The following POP1 variants were observed in gnomAD, a reference collection of about 807,000 sequenced individuals.
POP1 encodes the protein POP1 ribonuclease P/MRP subunit.
In POP1, 75 loss-of-function variants were observed where a neutral mutation model predicts 102.2. The ratio of observed to expected loss-of-function variants is 0.73; its 90% CI spans 0.61 to 0.89. POP1 has a LOEUF of 0.89. POP1 is among the 40% of genes least tolerant of loss of function. POP1 has a pLI of 0.00. For missense variants in POP1, 1,116 were observed against 1,267.4 expected, an observed-to-expected ratio of 0.88 and a Z score of 1.81; for synonymous variants, 436 against 464.1, an observed-to-expected ratio of 0.94 and a Z score of 0.78.
At chr8:98,125,992 T>C (rs1046102626) in intron 2 of POP1, among the ~76,000 whole-genome samples, 9 of 151,946 alleles carry the variant, frequency 5.9e-5, no homozygotes, top group Non-Finnish European at 1.3e-4. Flanking sequence ...GCTACAAGCA[T>C]GTGCCATTAT....
Position 98,127,670 on chromosome 8 carries a change from A to G in POP1, c.218A>G (p.Glu73Gly), listed in dbSNP as rs1273417738. Residue 73 changes from glutamate to glycine, a missense_variant, in exon 3 of 16, where the codon GAG becomes GGG. Physicochemically the swap from Glu to Gly is moderately conservative, Grantham distance 98. Coordinates refer to ENST00000401707, the MANE Select transcript of POP1 (RefSeq NM_001145860.2). ...PHSLPDPEVN[E>G]QSSSKGMFRK... ...TCTCTGCCTGACCCTGAAGTGAATG[A>G]GCAGTCTTCCTCCAAAGGGATGTTT... is the stretch of plus-strand genomic sequence containing the variant. The G allele has an allele frequency of 7.4e-6, 12 of 1,614,162 alleles. No homozygotes were observed. The highest frequency in any genetic ancestry group is 3.3e-5 in the Admixed American group (2 of 60,022).
rs369569082 is a variant in POP1, at chr8:98,136,436, A to G, written c.1012-46A>G. 9.1e-6 allele frequency: 14 copies of G among 1,544,774 alleles called. No homozygotes were observed. The African/African-American group carries it at 1.8e-4, about 20-fold the overall frequency. On this transcript the variant is annotated intron_variant, in intron 7 of 15. Transcript: ENST00000401707. ...AACCCAACTAAATTTGTCGTAATAT[A>G]TTTAAATTTCAAGATTTTAAAGTGA...
At chr8:98,134,141 G>A (rs1359938038) in intron 6 of POP1, 105 bp downstream of exon 6, 1 of 872,686 alleles carries the variant, frequency 1.1e-6, no homozygotes, top group Non-Finnish European at 1.9e-6. Flanking sequence ...ATATAGAAAA[G>A]TGTGTGAGAC....
intron 5 of POP1, among the ~76,000 whole-genome samples, chr8:98,131,264 C>G (rs1472477885): frequency 6.6e-6 from 1 of 152,186 alleles, no homozygotes; most frequent in Non-Finnish European, 1.5e-5. Flanking sequence ...ACACTAACTC[C>G]CATTCCTTCA....
chr8:98,120,793 C>T (rs6984915), intron 1 of POP1, among the ~76,000 whole-genome samples: 45,682 of 151,954 alleles, frequency 0.3, 7,726 homozygotes, highest in South Asian at 0.4. Context: ...ACTACAGGCG[C>T]CCGCCAACAC....
At chr8:98,145,432 A>G (rs1816816355) in intron 11 of POP1, among the ~76,000 whole-genome samples, 1 of 152,214 alleles carries the variant, frequency 6.6e-6, no homozygotes, top group Non-Finnish European at 1.5e-5. Flanking sequence ...GTTCAACAAA[A>G]TAAGATTTGG....
rs571093018 is a variant in POP1 at position 98,157,752 on chromosome 8, C to T, written c.2556C>T (p.Phe852=). 1.9e-6 allele frequency: 3 copies of T among 1,614,216 alleles called. No homozygotes were observed. In the African/African-American group the frequency reaches 4.0e-5, roughly 22 times the overall value. The change falls in exon 16 of 16, where the codon TTC becomes TTT. Residue 852 remains phenylalanine, a synonymous_variant. Coordinates refer to ENST00000401707, the MANE Select transcript of POP1 (RefSeq NM_001145860.2). ...REACLSILGH[F]PRALVWVSLS... is the part of the protein sequence containing the mutation. ...CTTGCCTGTCCATCTTGGGCCACTT[C>T]CCCAGGGCCCTGGTTTGGGTCAGCC... is the stretch of plus-strand genomic sequence containing the variant.
chr8:98,124,388 T>C (rs1172041621), intron 2 of POP1, among the ~76,000 whole-genome samples: 1 of 151,930 alleles, frequency 6.6e-6, no homozygotes, highest in Non-Finnish European at 1.5e-5. Context: ...ATGGCGAAAC[T>C]CCGTCTCTAC....
rs754206205 is a variant in POP1, at chr8:98,157,989, G to A, written c.2793G>A (p.Pro931=). 7.4e-6 allele frequency: 12 copies of A among 1,612,836 alleles called. No individual in the cohort carries two copies. The highest frequency in any genetic ancestry group is 1.6e-4 in the Middle Eastern group (1 of 6,084). ...CAGGACGTGCCTCTTCTGATGGCCC[G>A]GCGGGGGAAGAGCCCGTGGCTGGGC... ...QKPGRASSDG[P]AGEEPVAGQE... The change falls in exon 16 of 16, where the codon CCG becomes CCA. Residue 931 remains proline (P), a synonymous_variant. Coordinates refer to ENST00000401707, the MANE Select transcript of POP1 (RefSeq NM_001145860.2).
At chr8:98,152,626 G>A (rs1310249520) in intron 14 of POP1, among the ~76,000 whole-genome samples, 1 of 152,160 alleles carries the variant, frequency 6.6e-6, no homozygotes, top group Non-Finnish European at 1.5e-5. Context: ...ATTTAAAAAC[G>A]TAGAAACCAT....
chr8:98,133,880 T>G, intron 5 of POP1, 69 bp from the exon 6 acceptor site: 1 of 1,164,462 alleles, frequency 8.6e-7, no homozygotes, highest in Non-Finnish European at 1.3e-6. Context: ...GTGATACGGC[T>G]TTTGGCTTCT....
intron 11 of POP1, among the ~76,000 whole-genome samples, chr8:98,143,892 G>A (rs966749621): frequency 2.6e-5 from 4 of 152,106 alleles, no homozygotes; most frequent in East Asian, 1.9e-4. Context: ...GGTGGCTCAC[G>A]CCTGTAATCC....
chr8:98,142,076 C>G (rs748674035), intron 11 of POP1, among the ~76,000 whole-genome samples: 1 of 152,124 alleles, frequency 6.6e-6, no homozygotes, highest in East Asian at 1.9e-4. Context: ...TCTGGTGCAA[C>G]GTAAAAGTTG....
chr8:98,134,011 T>C lies in POP1; in HGVS notation c.798T>C (p.Leu266=). 1 of 1,612,134 alleles carries C rather than the reference T, an allele frequency of 6.2e-7. No individual in the cohort carries two copies. The highest frequency in any genetic ancestry group is 8.5e-7 in the Non-Finnish European group (1 of 1,178,182). ...KGKEEEILKA[L]SGMCNIDTGL... ...AAGAGGAAGAAATACTAAAGGCGCT[T>C]TCTGGAATGTGTAACATAGACACAG... Residue 266 remains leucine, a synonymous_variant, in exon 6 of 16, where the codon CTT becomes CTC. Coordinates refer to ENST00000401707, the MANE Select transcript of POP1 (RefSeq NM_001145860.2).
At position 98,134,576 on chromosome 8, in the gene POP1, T is replaced by C; in HGVS notation, c.928T>C (p.Phe310Leu). 6.2e-7 allele frequency: 1 copy of C among 1,614,154 alleles called. No homozygotes were observed. The highest frequency in any genetic ancestry group is 8.5e-7 in the Non-Finnish European group (1 of 1,180,010). Residue 310 changes from phenylalanine to leucine, a missense_variant, in exon 7 of 16, where the codon TTT becomes CTT. Coordinates refer to ENST00000401707, the MANE Select transcript of POP1 (RefSeq NM_001145860.2). ...YPREMLGPVT[F>L]IWKSQRTPGD... ...CAGAGAAATGCTTGGGCCTGTTACG[T>C]TTATCTGGAAGTCCCAGAGGACCCC...
At chr8:98,147,234 G>T (rs1209851362) in intron 12 of POP1, among the ~76,000 whole-genome samples, 2 of 152,204 alleles carry the variant, frequency 1.3e-5, no homozygotes, top group Non-Finnish European at 2.9e-5. Flanking sequence ...TGAGAAAAAT[G>T]AGGCCAGCCT....
chr8:98,123,173 T>C (rs1042281797), intron 1 of POP1, among the ~76,000 whole-genome samples, 163 bp from the exon 2 acceptor site: 4 of 152,246 alleles, frequency 2.6e-5, no homozygotes, highest in African/African-American at 9.6e-5. Context: ...TCAACAGTTG[T>C]ATATGATTTA....
intron 13 of POP1, 28 bp downstream of exon 13, chr8:98,149,034 G>A (rs368629255): frequency 1.1e-4 from 167 of 1,577,818 alleles, no homozygotes; most frequent in Middle Eastern, 6.7e-4. Context: ...TCTAACAGTT[G>A]CAATATTTAA....
chr8:98,147,641 C>T (rs1809391376), intron 12 of POP1, among the ~76,000 whole-genome samples: 1 of 151,932 alleles, frequency 6.6e-6, no homozygotes, highest in Admixed American at 6.6e-5. Flanking sequence ...TTAAAAAGAC[C>T]CTTGAAATAT....
Sources: gnomAD v4.1 joint callset for allele counts (sites outside exome capture counted in the v4.1 genomes callset) on GRCh38, gnomAD v4.1.1 for gene constraint, MANE v1.5 for transcripts, NCBI Gene and HGNC (gene_info 2026-07-23, HGNC 2026-07-21) for gene names.